The following ZBTB20 variants were observed in gnomAD, a reference collection of about 807,000 sequenced individuals.
ZBTB20 encodes the protein zinc finger and BTB domain containing 20.
Under a neutral mutation model 56.9 loss-of-function variants are expected in ZBTB20, and 9 were observed. That is an observed-to-expected ratio of 0.16 (90% CI 0.10 to 0.28). ZBTB20 has a LOEUF of 0.28. ZBTB20 is among the 10% of genes least tolerant of loss of function. The pLI is 1.00. For synonymous variants in ZBTB20, 417 were observed against 420.7 expected, an observed-to-expected ratio of 0.99 and a Z score of 0.11; for missense variants, 655 against 1,003.0, an observed-to-expected ratio of 0.65 and a Z score of 4.69.
chr3:114,918,058 C>T lies in ZBTB20; in HGVS notation c.-455-17716G>A, dbSNP rs147477082. ...AACCTTAAGAATCTACCTGGTGCTC[C>T]ATTCTACTGCAGCTGAGCTGGCACG... On this transcript the variant is annotated intron_variant, in intron 3 of 11. Coordinates refer to ENST00000675478, the MANE Select transcript of ZBTB20 (RefSeq NM_001348800.3). 4.7e-5 allele frequency among the ~76,000 whole-genome samples: 7 copies of T among 148,320 alleles called. No individual in the cohort carries two copies. In the East Asian group the frequency reaches 1.4e-3, roughly 30 times the overall value.
At chr3:114,591,908 A>G (rs1267525971) in intron 6 of ZBTB20, among the ~76,000 whole-genome samples, 1 of 152,202 alleles carries the variant, frequency 6.6e-6, no homozygotes, top group Non-Finnish European at 1.5e-5. Context: ...GCAACCATTT[A>G]GAAGTTCTGG....
At chr3:115,138,478 C>G (rs2084715068) in intron 1 of ZBTB20, among the ~76,000 whole-genome samples, 1 of 152,140 alleles carries the variant, frequency 6.6e-6, no homozygotes, top group Non-Finnish European at 1.5e-5. Context: ...AAATCTATGC[C>G]TTTCTGAAAT....
chr3:114,503,303 T>C (rs1330344051), intron 6 of ZBTB20, among the ~76,000 whole-genome samples: 1 of 152,182 alleles, frequency 6.6e-6, no homozygotes, highest in African/African-American at 2.4e-5. Context: ...TGTACTTATA[T>C]GTTAATATAA....
At chr3:114,375,561 C>A (rs566906295) in intron 10 of ZBTB20, among the ~76,000 whole-genome samples, 1 of 152,232 alleles carries the variant, frequency 6.6e-6, no homozygotes, top group Non-Finnish European at 1.5e-5. Context: ...AAATCACTCC[C>A]CCAGTGGGCA....
At position 114,617,377 on chromosome 3, in the gene ZBTB20, G is replaced by A. The variant is rs181223682; in HGVS notation, c.-295+76151C>T. 4.7e-3 allele frequency among the ~76,000 whole-genome samples: 719 copies of A among 152,100 alleles called. 4 individuals carry two copies. Among genetic ancestry groups the A allele is most frequent in the Non-Finnish European group, 6.6e-3 (447 of 68,002 alleles). Reference sequence around the variant, plus strand: ...TGTTCTTCCTCCCTCTGACCATCTGGGAAAATCCTTCCATTCCCAGCACGG... The same window carrying A: ...TGTTCTTCCTCCCTCTGACCATCTGAGAAAATCCTTCCATTCCCAGCACGG... On this transcript the variant is annotated intron_variant, in intron 6 of 11. Transcript: ENST00000675478.
chr3:114,667,426 G>C (rs191116648), intron 6 of ZBTB20, among the ~76,000 whole-genome samples: 4 of 151,974 alleles, frequency 2.6e-5, no homozygotes, highest in Admixed American at 2.6e-4. Flanking sequence ...TGATTAACAC[G>C]TTTTAAAAGA....
intron 4 of ZBTB20, among the ~76,000 whole-genome samples, chr3:114,822,727 A>T (rs1006911488): frequency 2.6e-5 from 4 of 152,240 alleles, no homozygotes; most frequent in South Asian, 2.1e-4. Flanking sequence ...AGAATTATTC[A>T]GAGCATCTAT....
At chr3:114,749,518 A>AC (rs2067384039) in intron 5 of ZBTB20, among the ~76,000 whole-genome samples, 1 of 151,614 alleles carries the variant, frequency 6.6e-6, no homozygotes, top group African/African-American at 2.4e-5. Flanking sequence ...GCACCATTGC[A>AC]CTCCAACCCA....
At chr3:114,398,685 T>A (rs924004583) in intron 7 of ZBTB20, among the ~76,000 whole-genome samples, 1 of 152,150 alleles carries the variant, frequency 6.6e-6, no homozygotes, top group African/African-American at 2.4e-5. Context: ...AATGGTAAAA[T>A]TACCATTCAT....
chr3:114,794,863 T>C (rs1425760861), intron 5 of ZBTB20, among the ~76,000 whole-genome samples: 2 of 152,140 alleles, frequency 1.3e-5, no homozygotes, highest in African/African-American at 4.8e-5. Context: ...TTTCAAGGTT[T>C]TCTATGCCTC....
At chr3:114,384,661 G>A (rs1207775541) in intron 8 of ZBTB20, among the ~76,000 whole-genome samples, 1 of 152,216 alleles carries the variant, frequency 6.6e-6, no homozygotes, top group African/African-American at 2.4e-5. Flanking sequence ...ACTGGCGGCC[G>A]AGTTAGCCAG....
intron 6 of ZBTB20, chr3:114,582,102 C>G (rs1450605559): frequency 6.6e-6 from 1 of 152,018 alleles, no homozygotes; most frequent in Non-Finnish European, 1.5e-5. Context: ...AGTGGTTTTG[C>G]TTGTTCTTTA....
chr3:114,380,897 C>G lies in ZBTB20; in HGVS notation c.-110G>C, dbSNP rs943170936. 78 of 941,952 alleles carry G rather than the reference C, an allele frequency of 8.3e-5. No individual in the cohort carries two copies. Among genetic ancestry groups the G allele is most frequent in the Admixed American group, 5.0e-4 (14 of 28,006 alleles). The allele number at this position is 941,952 out of a possible 1,614,324, so 58.3% of individuals were successfully genotyped here. On this transcript the variant is annotated 5_prime_UTR_variant, in exon 9 of 12. Transcript: ENST00000675478. ...GCTGTGCCTCTAACTTGCTGTGTGG[C>G]CTTGGGCACCTCACTTCACCTCTCT...
At position 114,747,501 on chromosome 3, in the gene ZBTB20, T is replaced by C. The variant is rs549343028; in HGVS notation, c.-343+53600A>G. Among the ~76,000 whole-genome samples the C allele has an allele frequency of 2.6e-5, 4 of 151,772 alleles. No homozygotes were observed. In the South Asian group the frequency reaches 8.4e-4, roughly 32 times the overall value. ...ATTGCTTGAACCCAGGAGATGGAGGTTGCAGTGAGCAAAGACTGAGCCACT... is the reference window on the plus strand; with the variant it reads ...ATTGCTTGAACCCAGGAGATGGAGGCTGCAGTGAGCAAAGACTGAGCCACT... On this transcript the variant is annotated intron_variant, in intron 5 of 11. Transcript: ENST00000675478.
intron 2 of ZBTB20, among the ~76,000 whole-genome samples, chr3:115,024,361 T>C (rs1463500703): frequency 6.6e-6 from 1 of 150,976 alleles, no homozygotes; most frequent in African/African-American, 2.4e-5. Flanking sequence ...AACTGCAATA[T>C]AAATTGATAA....
chr3:114,454,303 TA>T (rs1224856314), intron 7 of ZBTB20, among the ~76,000 whole-genome samples: 2 of 151,838 alleles, frequency 1.3e-5, no homozygotes, highest in Non-Finnish European at 2.9e-5. Flanking sequence ...AACTCCCGTC[TA>T]AATCCACCTG....
intron 5 of ZBTB20, among the ~76,000 whole-genome samples, chr3:114,745,819 A>G (rs1343460066): frequency 6.6e-6 from 1 of 152,192 alleles, no homozygotes; most frequent in African/African-American, 2.4e-5. Context: ...GATGATATCA[A>G]TCAATACTTT....
chr3:114,530,842 T>G (rs1245916126), intron 6 of ZBTB20, among the ~76,000 whole-genome samples: 5 of 152,164 alleles, frequency 3.3e-5, no homozygotes, highest in African/African-American at 1.2e-4. Flanking sequence ...CATCCCTGGT[T>G]TCCTTAATAA....
At chr3:114,626,719 A>T (rs929198603) in intron 6 of ZBTB20, among the ~76,000 whole-genome samples, 1 of 152,196 alleles carries the variant, frequency 6.6e-6, no homozygotes, top group African/African-American at 2.4e-5. Context: ...TTGTCCAGTA[A>T]CTAGAGGCCC....
Sources: gnomAD v4.1 joint callset for allele counts (sites outside exome capture counted in the v4.1 genomes callset) on GRCh38, gnomAD v4.1.1 for gene constraint, MANE v1.5 for transcripts, NCBI Gene and HGNC (gene_info 2026-07-23, HGNC 2026-07-21) for gene names.